Variants in FAM228A observed in about 807,000 individuals in gnomAD.
FAM228A encodes protein FAM228A.
A neutral mutation model predicts 18.6 loss-of-function variants in FAM228A; 13 were observed. The ratio of observed to expected loss-of-function variants is 0.70; its 90% CI spans 0.45 to 1.11. The LOEUF is 1.11. Among genes scored for constraint, FAM228A ranks in the 50% least tolerant of loss-of-function variants. The probability of loss-of-function intolerance (pLI) is 0.00; values close to 1 mark genes in which losing one functional copy is unlikely to be tolerated. For missense variants in FAM228A, 240 were observed against 242.2 expected (o/e 0.99, Z 0.06); for synonymous variants, 77 against 86.6 (o/e 0.89, Z 0.61).
intron 5 of FAM228A, among the ~76,000 whole-genome samples, 190 bp from the exon 6 acceptor site, chr2:24,190,222 T>C (rs1264206097): frequency 6.6e-6 from 1 of 151,868 alleles, no homozygotes; most frequent in African/African-American, 2.4e-5. Flanking sequence ...AGTCACCACC[T>C]CCCTAGGAAT....
In FAM228A at chr2:24,188,499, A is replaced by G. The variant is rs1389235168; in HGVS notation, c.402-1913A>G. 5 of 985,252 alleles carry G rather than the reference A, an allele frequency of 5.1e-6. No individual in the cohort carries two copies. In the East Asian group the frequency reaches 3.4e-4, roughly 67 times the overall value. The allele number at this position is 985,252 out of a possible 1,614,324, so 61.0% of individuals were successfully genotyped here. ...TCTGTCCTCCATTGAGAAACCAAGC[A>G]CATTGCTTGACTTGCCTCTTAGCGG... On this transcript the variant is annotated intron_variant, in intron 5 of 5. Transcript: ENST00000295150.
At chr2:24,189,856 A>C (rs1227122972) in intron 5 of FAM228A, among the ~76,000 whole-genome samples, 1 of 152,168 alleles carries the variant, frequency 6.6e-6, no homozygotes, top group African/African-American at 2.4e-5. Flanking sequence ...TCGATATGTT[A>C]GAGAGCATTG....
At chr2:24,175,434 TCCTC>T (rs1558401308) in intron 1 of FAM228A, 29 bp from the exon 2 acceptor site, 2 of 1,487,262 alleles carry the variant, frequency 1.3e-6, no homozygotes, top group Middle Eastern at 1.7e-4. Flanking sequence ...GTAACCGTCT[TCCTC>T]AGCCTCAGTT....
At chr2:24,188,572 A>G in intron 5 of FAM228A, 1 of 985,410 alleles carries the variant, frequency 1.0e-6, no homozygotes, top group Non-Finnish European at 1.2e-6. Flanking sequence ...TCAGGACATC[A>G]ACCAGACCCA....
At chr2:24,176,315 GT>G in intron 2 of FAM228A, 1 of 561,118 alleles carries the variant, frequency 1.8e-6, no homozygotes, top group Non-Finnish European at 2.3e-6. Flanking sequence ...ATGTTTAATT[GT>G]TTTACATACT....
At chr2:24,187,093 CACT>C (rs1314905896) in intron 5 of FAM228A, among the ~76,000 whole-genome samples, 1 of 152,180 alleles carries the variant, frequency 6.6e-6, no homozygotes, top group African/African-American at 2.4e-5. Context: ...CACTTTACCC[CACT>C]TTCCCTTTTG....
intron 5 of FAM228A, chr2:24,188,569 A>G: frequency 1.0e-6 from 1 of 985,456 alleles, no homozygotes; most frequent in Non-Finnish European, 1.2e-6. Flanking sequence ...CTGTCAGGAC[A>G]TCAACCAGAC....
At chr2:24,183,395 CAT>C (rs1491249657) in intron 4 of FAM228A, 23 bp downstream of exon 4, 1 of 1,610,294 alleles carries the variant, frequency 6.2e-7, no homozygotes, top group East Asian at 2.2e-5. Context: ...CACTGGGCCT[CAT>C]TTTTTTGAGA....
chr2:24,176,080 A>G (rs984950188), intron 2 of FAM228A: 1 of 985,292 alleles, frequency 1.0e-6, no homozygotes, highest in African/African-American at 1.7e-5. Context: ...CCTTTTCCTT[A>G]TATTTCCTGG....
intron 5 of FAM228A, among the ~76,000 whole-genome samples, chr2:24,187,009 G>A (rs1031777570): frequency 2.0e-5 from 3 of 152,160 alleles, no homozygotes; most frequent in Non-Finnish European, 4.4e-5. Context: ...TGAATGTAGA[G>A]AGTGCAACAC....
At chr2:24,186,222 ACTCCTGAC>A (rs1667947182) in intron 5 of FAM228A, among the ~76,000 whole-genome samples, 1 of 151,778 alleles carries the variant, frequency 6.6e-6, no homozygotes, top group Admixed American at 6.6e-5. Flanking sequence ...CTGGTCTCGA[ACTCCTGAC>A]CTCAGGTGAT....
rs66895555 is a variant in FAM228A, at chr2:24,184,377, CAAA to C, written c.401+747_401+749del. Reference sequence around the variant, plus strand: ...CCTGGGCAACAGAGTGAGACACTGTCAAAAAAAAAAAAAAAAAGATACAGCTTA... The same window carrying C: ...CCTGGGCAACAGAGTGAGACACTGTCAAAAAAAAAAAAAAGATACAGCTTA... On this transcript the variant is annotated intron_variant, in intron 5 of 5. Coordinates refer to ENST00000295150, the MANE Select transcript of FAM228A (RefSeq NM_001040710.3). Among the ~76,000 whole-genome samples, 401 of 108,950 alleles carry C rather than the reference CAAA, an allele frequency of 3.7e-3. 1 individual carries two copies. Among genetic ancestry groups the C allele is most frequent in the African/African-American group, 0.011 (299 of 26,860 alleles). The allele number at this position is 108,950 out of a possible 152,430, so 71.5% of individuals were successfully genotyped here.
intron 3 of FAM228A, 108 bp from the exon 4 acceptor site, chr2:24,183,177 A>G: frequency 3.7e-6 from 3 of 807,012 alleles, no homozygotes; most frequent in East Asian, 2.5e-5. Context: ...TGCCCTTCCC[A>G]CTCTTGTAGT....
chr2:24,176,028 C>T, intron 2 of FAM228A: 1 of 988,704 alleles, frequency 1.0e-6, no homozygotes, highest in Non-Finnish European at 1.2e-6. Flanking sequence ...TGTGTGTGCA[C>T]AGAAAGCTGT....
chr2:24,182,859 C>T (rs1009218835), intron 3 of FAM228A, among the ~76,000 whole-genome samples: 1 of 152,084 alleles, frequency 6.6e-6, no homozygotes, highest in Admixed American at 6.6e-5. Flanking sequence ...TCTATCTGGG[C>T]GGCCCTCCCT....
At chr2:24,176,023 G>A in intron 2 of FAM228A, 7 of 989,482 alleles carry the variant, frequency 7.1e-6, no homozygotes, top group Non-Finnish European at 8.4e-6. Context: ...TTCTATGTGT[G>A]TGCACAGAAA....
Position 24,190,630 on chromosome 2 carries a change from G to A in FAM228A, c.620G>A (p.Ter207=). The change falls in exon 6 of 6, where the codon TGA becomes TAA. Residue 207 remains the stop codon, a stop_retained_variant. Coordinates refer to ENST00000295150, the MANE Select transcript of FAM228A (RefSeq NM_001040710.3). ...THEQHILVPE[*] is the part of the protein sequence containing the mutation. The stretch of plus-strand genomic sequence containing the variant: ...GAGCAGCACATACTGGTTCCAGAAT[G>A]AGCCACCGCCACAGCCCTCCCTGTC... 1.3e-6 allele frequency: 2 copies of A among 1,537,084 alleles called. No individual in the cohort carries two copies. The highest frequency in any genetic ancestry group is 1.7e-6 in the Non-Finnish European group (2 of 1,143,782).
At chr2:24,186,630 T>TTTTTA (rs912468315) in intron 5 of FAM228A, among the ~76,000 whole-genome samples, 5 of 151,996 alleles carry the variant, frequency 3.3e-5, no homozygotes, top group Non-Finnish European at 5.9e-5. Context: ...AATGTGGACA[T>TTTTTA]TTTTATTTTA....
chr2:24,178,454 G>C (rs1348141106), intron 3 of FAM228A, among the ~76,000 whole-genome samples: 1 of 152,084 alleles, frequency 6.6e-6, no homozygotes, highest in Non-Finnish European at 1.5e-5. Context: ...CACGCCTGTA[G>C]TCCCAGCTAC....
Sources: allele counts gnomAD v4.1 joint callset (sites outside exome capture counted in the v4.1 genomes callset), GRCh38; gene constraint gnomAD v4.1.1; transcripts MANE v1.5; gene names NCBI Gene and HGNC (gene_info 2026-07-23, HGNC 2026-07-21).